Variants in CPEB3 observed in about 807,000 individuals in gnomAD.
CPEB3 encodes cytoplasmic polyadenylation element binding protein 3.
A neutral mutation model predicts 67.2 loss-of-function variants in CPEB3; 20 were observed. The ratio of observed to expected loss-of-function variants is 0.30; its 90% CI spans 0.21 to 0.43. The LOEUF (loss-of-function observed/expected upper bound fraction) is 0.43, where lower values mean the gene tolerates loss of function less well. CPEB3 is among the 20% of genes least tolerant of loss of function. CPEB3 has a pLI of 1.00. For missense variants in CPEB3, 746 were observed against 968.6 expected (o/e 0.77, Z 3.05); for synonymous variants, 376 against 393.1 (o/e 0.96, Z 0.51).
intron 1 of CPEB3, among the ~76,000 whole-genome samples, chr10:92,274,749 G>A (rs1424574478): frequency 1.3e-5 from 2 of 152,150 alleles, no homozygotes; most frequent in African/African-American, 4.8e-5. Flanking sequence ...GCTGAGGCAG[G>A]AGAATTGCTT....
chr10:92,118,993 C>T (rs796415581), intron 6 of CPEB3: 1 of 1,524,732 alleles, frequency 6.6e-7, no homozygotes, highest in African/African-American at 1.4e-5. Context: ...CAGCACTGAT[C>T]CACACAGCTA....
chr10:92,198,968 G>A (rs1413471599), intron 2 of CPEB3, among the ~76,000 whole-genome samples: 1 of 152,212 alleles, frequency 6.6e-6, no homozygotes, highest in Non-Finnish European at 1.5e-5. Context: ...GCTAGGAAAA[G>A]ATAAATGTGG....
chr10:92,073,378 GCA>G (rs1483147961), intron 9 of CPEB3, among the ~76,000 whole-genome samples: 1 of 151,950 alleles, frequency 6.6e-6, no homozygotes, highest in Non-Finnish European at 1.5e-5. Flanking sequence ...CAGAGGCCAG[GCA>G]CAGTGACTCA....
chr10:92,174,884 T>C (rs561930937), intron 4 of CPEB3, among the ~76,000 whole-genome samples: 2 of 152,284 alleles, frequency 1.3e-5, no homozygotes, highest in Admixed American at 6.5e-5. Context: ...AAAAATTAAC[T>C]CTTTAGAAGT....
chr10:92,262,284 T>C (rs1852839023), intron 1 of CPEB3, among the ~76,000 whole-genome samples: 1 of 152,208 alleles, frequency 6.6e-6, no homozygotes. Flanking sequence ...ATATAAAATC[T>C]AATTATCTAA....
intron 1 of CPEB3, among the ~76,000 whole-genome samples, chr10:92,271,160 G>A (rs1341254459): frequency 2.0e-5 from 3 of 152,168 alleles, no homozygotes; most frequent in Non-Finnish European, 4.4e-5. Flanking sequence ...TCCAGCCTGG[G>A]TGATGGAGCG....
intron 7 of CPEB3, 111 bp from the exon 8 acceptor site, chr10:92,092,055 C>T (rs1364905881): frequency 8.4e-6 from 6 of 713,712 alleles, no homozygotes; most frequent in Non-Finnish European, 1.5e-5. Flanking sequence ...TGAACATGAC[C>T]CAAACAAAAT....
At chr10:92,145,612 G>A (rs1224568925) in intron 4 of CPEB3, among the ~76,000 whole-genome samples, 1 of 144,994 alleles carries the variant, frequency 6.9e-6, no homozygotes, top group Non-Finnish European at 1.5e-5. Context: ...TCCAGCCTGA[G>A]CAACAAGAGT....
chr10:92,225,758 A>C (rs185926575), intron 2 of CPEB3, among the ~76,000 whole-genome samples: 1 of 152,368 alleles, frequency 6.6e-6, no homozygotes. Context: ...AATAATTAAC[A>C]GAAAATATAC....
chr10:92,076,591 G>A (rs1283470953), intron 9 of CPEB3, among the ~76,000 whole-genome samples: 1 of 151,888 alleles, frequency 6.6e-6, no homozygotes, highest in Admixed American at 6.6e-5. Context: ...AAAACTCTGT[G>A]TGTGTAGAGA....
intron 9 of CPEB3, among the ~76,000 whole-genome samples, chr10:92,060,853 A>T (rs1842314733): frequency 6.6e-6 from 1 of 152,210 alleles, no homozygotes; most frequent in South Asian, 2.1e-4. Flanking sequence ...TATCCAAAAG[A>T]CAGGCAATAG....
intron 2 of CPEB3, among the ~76,000 whole-genome samples, chr10:92,229,949 G>A: frequency 6.6e-6 from 1 of 152,146 alleles, no homozygotes; most frequent in Non-Finnish European, 1.5e-5. Flanking sequence ...GGGAGGCTGA[G>A]GCAGGAGAAT....
At chr10:92,104,554 T>C (rs897169993) in intron 7 of CPEB3, among the ~76,000 whole-genome samples, 2 of 151,724 alleles carry the variant, frequency 1.3e-5, no homozygotes, top group African/African-American at 4.8e-5. Context: ...GCCCAGCTAA[T>C]TTTTTTGTAT....
intron 8 of CPEB3, among the ~76,000 whole-genome samples, chr10:92,083,709 G>C (rs1174495279): frequency 1.3e-5 from 2 of 152,200 alleles, no homozygotes; most frequent in Non-Finnish European, 2.9e-5. Flanking sequence ...TCTAAGCCTG[G>C]TGAATGGCCA....
intron 9 of CPEB3, among the ~76,000 whole-genome samples, chr10:92,066,831 A>G (rs1842566747): frequency 6.6e-6 from 1 of 151,980 alleles, no homozygotes; most frequent in Non-Finnish European, 1.5e-5. Flanking sequence ...GATCACTTGA[A>G]GTCAGTAGTT....
chr10:92,210,490 T>C (rs547630633), intron 2 of CPEB3, among the ~76,000 whole-genome samples: 6 of 152,278 alleles, frequency 3.9e-5, no homozygotes, highest in Admixed American at 3.3e-4. Context: ...TTAATAGCAA[T>C]TATTTTGAAA....
At chr10:92,151,981 G>A (rs969737623) in intron 4 of CPEB3, among the ~76,000 whole-genome samples, 12 of 152,112 alleles carry the variant, frequency 7.9e-5, no homozygotes, top group Admixed American at 2.0e-4. Flanking sequence ...GCAACCAGAC[G>A]TGCTCTTTTA....
chr10:92,078,453 GA>G (rs1353046641), intron 9 of CPEB3, among the ~76,000 whole-genome samples: 7 of 152,190 alleles, frequency 4.6e-5, no homozygotes, highest in Admixed American at 4.6e-4. Context: ...AGTTACAGAT[GA>G]GGACCTGAGG....
intron 1 of CPEB3, among the ~76,000 whole-genome samples, chr10:92,281,279 G>A (rs1292011563): frequency 6.6e-6 from 1 of 151,368 alleles, no homozygotes; most frequent in Non-Finnish European, 1.5e-5. Context: ...GGGGTTGGTA[G>A]AGACACAATC....
Sources: allele counts gnomAD v4.1 joint callset (sites outside exome capture counted in the v4.1 genomes callset), GRCh38; gene constraint gnomAD v4.1.1; transcripts MANE v1.5; gene names NCBI Gene and HGNC (gene_info 2026-07-23, HGNC 2026-07-21).